The following EVL variants were observed in gnomAD, a reference collection of about 807,000 sequenced individuals.
The protein encoded by EVL is ena/VASP-like protein.
Under a neutral mutation model 59.6 loss-of-function variants are expected in EVL, and 21 were observed. That is an observed-to-expected ratio of 0.35 (90% CI 0.25 to 0.51). The LOEUF (loss-of-function observed/expected upper bound fraction) is 0.51. Ranked by LOEUF, EVL falls within the 20% of genes least tolerant of loss-of-function variation. The pLI is 0.97. For synonymous variants in EVL, 198 were observed against 203.5 expected, an observed-to-expected ratio of 0.97 and a Z score of 0.23; for missense variants, 462 against 546.6, an observed-to-expected ratio of 0.85 and a Z score of 1.54.
chr14:99,987,534 T>G (rs1022199806), intron 1 of EVL, among the ~76,000 whole-genome samples: 3 of 152,108 alleles, frequency 2.0e-5, no homozygotes, highest in Admixed American at 6.6e-5. Flanking sequence ...CCCAGCTACT[T>G]GGGAGACTGA....
intron 1 of EVL, among the ~76,000 whole-genome samples, chr14:100,005,302 A>C (rs2060971352): frequency 6.6e-6 from 1 of 152,250 alleles, no homozygotes; most frequent in African/African-American, 2.4e-5. Flanking sequence ...ATTAGAAGTT[A>C]TGGTAATTTT....
chr14:100,067,920 G>C (rs1455119042), intron 1 of EVL, among the ~76,000 whole-genome samples: 1 of 152,142 alleles, frequency 6.6e-6, no homozygotes, highest in Non-Finnish European at 1.5e-5. Context: ...AGAGAAAGTG[G>C]GATCTCAGGT....
At chr14:100,016,215 G>C (rs1276210196) in intron 1 of EVL, among the ~76,000 whole-genome samples, 1 of 151,580 alleles carries the variant, frequency 6.6e-6, no homozygotes, top group Non-Finnish European at 1.5e-5. Flanking sequence ...CGAATGGCTT[G>C]GAGTGCCTTT....
At chr14:100,139,393 C>G (rs531131572) in intron 11 of EVL, 37 of 152,404 alleles carry the variant, frequency 2.4e-4, no homozygotes, top group African/African-American at 7.2e-4. Context: ...CTTAGGAAGC[C>G]TGCTGTGTTT....
chr14:100,051,454 T>C (rs1339921287), intron 1 of EVL, among the ~76,000 whole-genome samples: 1 of 152,244 alleles, frequency 6.6e-6, no homozygotes, highest in African/African-American at 2.4e-5. Context: ...TCTGGTTTCT[T>C]AATCTCTTTT....
intron 1 of EVL, among the ~76,000 whole-genome samples, chr14:100,025,596 C>G (rs1209261290): frequency 6.6e-6 from 1 of 152,158 alleles, no homozygotes; most frequent in Non-Finnish European, 1.5e-5. Context: ...GTTTACCTCC[C>G]TTAGCAGAAC....
Position 100,081,300 on chromosome 14 carries a change from C to T in EVL, c.12-3387C>T, listed in dbSNP as rs184094502. On this transcript the variant is annotated intron_variant, in intron 1 of 13. Coordinates refer to ENST00000392920, the MANE Select transcript of EVL (RefSeq NM_016337.3). The stretch of plus-strand genomic sequence containing the variant: ...GGCAATGTCGAGGTTAGATAGCAAT[C>T]GAGATTTTATTAAAACAAAAAATTT... Among the ~76,000 whole-genome samples, 173 of 152,102 alleles carry T rather than the reference C, an allele frequency of 1.1e-3. 1 individual carries two copies. Among genetic ancestry groups the T allele is most frequent in the Middle Eastern group, 6.8e-3 (2 of 294 alleles).
rs2062401681 is a variant in EVL at position 100,084,808 on chromosome 14, G to A, written c.133G>A (p.Ala45Thr). ...FSRINIYHNT[A>T]SNTFRVVGVK... The stretch of plus-strand genomic sequence containing the variant: ...CCGGATCAACATCTACCACAACACT[G>A]CCAGCAACACCTTCAGAGTCGTTGG... The change falls in exon 2 of 14, where the codon GCC becomes ACC. Residue 45 changes from alanine (A) to threonine (T), a missense_variant. Transcript: ENST00000392920. 1 of 1,614,160 alleles carries A rather than the reference G, an allele frequency of 6.2e-7. No homozygotes were observed. Among genetic ancestry groups the A allele is most frequent in the Middle Eastern group, 1.6e-4 (1 of 6,062 alleles).
chr14:100,042,408 A>G (rs2061480824), intron 1 of EVL, among the ~76,000 whole-genome samples: 1 of 152,206 alleles, frequency 6.6e-6, no homozygotes, highest in African/African-American at 2.4e-5. Context: ...GACTTACGTG[A>G]TATTCTTTGC....
intron 1 of EVL, among the ~76,000 whole-genome samples, chr14:100,043,293 ATGTG>A (rs577559402): frequency 4.2e-5 from 6 of 144,514 alleles, no homozygotes; most frequent in East Asian, 1.9e-4. Context: ...GTGTATATAT[ATGTG>A]TGTGTGTGTG....
chr14:100,048,750 AC>A (rs1394848454), intron 1 of EVL, among the ~76,000 whole-genome samples: 3 of 152,218 alleles, frequency 2.0e-5, no homozygotes, highest in African/African-American at 7.2e-5. Flanking sequence ...CTGCAAAAAA[AC>A]AAACAAAAAA....
Position 100,128,588 on chromosome 14 carries a change from C to CCCG in EVL, c.557_558insCCG (p.Pro186_Pro187insArg). The CCCG allele has an allele frequency of 1.4e-6, 2 of 1,441,886 alleles. No individual in the cohort carries two copies. Among genetic ancestry groups the CCCG allele is most frequent in the Non-Finnish European group, 1.9e-6 (2 of 1,046,268 alleles). 89.3% of individuals were successfully genotyped at this position (1,441,886 alleles called of 1,614,324 possible). ...CCCGTCTCATGTAGTGGGCCTCCACCGCCCCCCCCACCCCCAGTCCCACCT... is the reference window on the plus strand; with the variant it reads ...CCCGTCTCATGTAGTGGGCCTCCACCCCGGCCCCCCCCACCCCCAGTCCCACCT... On this transcript the variant is annotated inframe_insertion, in exon 6 of 14. Coordinates refer to ENST00000392920, the MANE Select transcript of EVL (RefSeq NM_016337.3).
intron 1 of EVL, among the ~76,000 whole-genome samples, chr14:100,018,970 G>A (rs920203619): frequency 2.6e-5 from 4 of 152,068 alleles, no homozygotes; most frequent in Admixed American, 6.6e-5. Flanking sequence ...CTATATACTC[G>A]ATAAATGAAT....
chr14:100,091,564 C>T (rs554377027), intron 2 of EVL, among the ~76,000 whole-genome samples: 72 of 152,292 alleles, frequency 4.7e-4, no homozygotes, highest in African/African-American at 1.6e-3. Context: ...CTAGGGAGAG[C>T]GGAGGAGCTC....
intron 3 of EVL, among the ~76,000 whole-genome samples, chr14:100,103,573 C>T (rs963002281): frequency 1.3e-5 from 2 of 151,582 alleles, no homozygotes; most frequent in African/African-American, 2.4e-5. Context: ...TCTTTCCTCT[C>T]CTACTGGGTT....
chr14:100,121,113 C>T (rs78952476), intron 3 of EVL, among the ~76,000 whole-genome samples: 5,007 of 152,278 alleles, frequency 0.033, 289 homozygotes, highest in African/African-American at 0.11. Flanking sequence ...GCCTGCATCA[C>T]GCAGGGAAGT....
At chr14:100,039,673 C>A (rs190169068) in intron 1 of EVL, among the ~76,000 whole-genome samples, 98 of 152,282 alleles carry the variant, frequency 6.4e-4, no homozygotes, top group African/African-American at 2.4e-3. Flanking sequence ...CAGTGAAGTT[C>A]TCTGTACAGT....
chr14:100,040,651 A>G (rs781291185), intron 1 of EVL, among the ~76,000 whole-genome samples: 4 of 152,156 alleles, frequency 2.6e-5, no homozygotes, highest in African/African-American at 4.8e-5. Context: ...CTTCCCTGGG[A>G]TGTGAGACCA....
chr14:100,121,191 T>A (rs900314835), intron 3 of EVL, among the ~76,000 whole-genome samples: 1 of 152,178 alleles, frequency 6.6e-6, no homozygotes, highest in African/African-American at 2.4e-5. Flanking sequence ...CTTCCTTAGC[T>A]ACTCCTCCCA....
Sources: gnomAD v4.1 joint callset for allele counts (sites outside exome capture counted in the v4.1 genomes callset) on GRCh38, gnomAD v4.1.1 for gene constraint, MANE v1.5 for transcripts, NCBI Gene and HGNC (gene_info 2026-07-23, HGNC 2026-07-21) for gene names.